The following RAB38 variants were observed in gnomAD, a reference collection of about 807,000 sequenced individuals.
RAB38 encodes the protein ras-related protein Rab-38.
In RAB38, 15 loss-of-function variants were observed where a neutral mutation model predicts 18.4. That is an observed-to-expected ratio of 0.82 (90% CI 0.55 to 1.26). The LOEUF (loss-of-function observed/expected upper bound fraction) is 1.26. Among genes scored for constraint, RAB38 ranks in the 50% most tolerant of loss-of-function variants. The probability of loss-of-function intolerance (pLI) is 0.00; values close to 1 mark genes in which losing one functional copy is unlikely to be tolerated. For synonymous variants in RAB38, 101 were observed against 104.4 expected, an observed-to-expected ratio of 0.97 and a Z score of 0.20; for missense variants, 294 against 267.4, an observed-to-expected ratio of 1.10 and a Z score of -0.69.
At chr11:87,947,076 G>C in the RAB38 span, among the ~76,000 whole-genome samples, 5 of 151,674 alleles carry the variant, frequency 3.3e-5, no homozygotes, top group Admixed American at 2.0e-4. Context: ...TTTTAATGAT[G>C]GCCATTCTAA....
At chr11:87,897,064 ATTT>A in the RAB38 span, among the ~76,000 whole-genome samples, 1 of 151,596 alleles carries the variant, frequency 6.6e-6, no homozygotes, top group African/African-American at 2.4e-5. Flanking sequence ...AGAAGTCTAC[ATTT>A]TTTTCTCATT....
the RAB38 span, among the ~76,000 whole-genome samples, chr11:88,042,250 T>C: frequency 3.2e-3 from 487 of 152,250 alleles, 3 homozygotes; most frequent in Middle Eastern, 0.014. Context: ...TATCTCTGCA[T>C]GGGAGATAGC....
chr11:87,890,506 CATGGACTTCT>C, the RAB38 span, among the ~76,000 whole-genome samples: 1 of 151,858 alleles, frequency 6.6e-6, no homozygotes, highest in Non-Finnish European at 1.5e-5. Flanking sequence ...TTTCATGTTT[CATGGACTTCT>C]ATGGATTTCT....
chr11:88,049,038 C>T, the RAB38 span, among the ~76,000 whole-genome samples: 320 of 152,144 alleles, frequency 2.1e-3, 1 homozygote, highest in African/African-American at 6.6e-3. Flanking sequence ...ACAATATCAC[C>T]CCTTACCACA....
At chr11:88,017,577 C>T in the RAB38 span, among the ~76,000 whole-genome samples, 786 of 151,346 alleles carry the variant, frequency 5.2e-3, 3 homozygotes, top group African/African-American at 0.018. Flanking sequence ...GTACCCTAGT[C>T]TTACACTGGC....
chr11:87,938,109 A>G, the RAB38 span, among the ~76,000 whole-genome samples: 1 of 152,150 alleles, frequency 6.6e-6, no homozygotes, highest in African/African-American at 2.4e-5. Flanking sequence ...TCATCTTGTT[A>G]CCTGTAAGTG....
chr11:88,138,766 T>A (rs1406988494), intron 2 of RAB38, among the ~76,000 whole-genome samples: 1 of 141,392 alleles, frequency 7.1e-6, no homozygotes, highest in African/African-American at 2.6e-5. Flanking sequence ...ACATACAATT[T>A]TTATTATTAT....
chr11:88,094,167 A>C, the RAB38 span, among the ~76,000 whole-genome samples: 2 of 151,902 alleles, frequency 1.3e-5, no homozygotes, highest in African/African-American at 4.8e-5. Flanking sequence ...GCACAACATC[A>C]GTAGTAATCA....
At chr11:87,951,518 C>A in the RAB38 span, among the ~76,000 whole-genome samples, 14,080 of 151,472 alleles carry the variant, frequency 0.093, 809 homozygotes, top group East Asian at 0.15. Flanking sequence ...TTTTTCCCAT[C>A]TTTGTGGTTT....
the RAB38 span, among the ~76,000 whole-genome samples, chr11:88,104,788 G>A: frequency 6.6e-6 from 1 of 152,008 alleles, no homozygotes; most frequent in Non-Finnish European, 1.5e-5. Context: ...TGTGGTTAGG[G>A]CCAAACAAAG....
rs111577812 is a variant in RAB38 at position 88,132,599 on chromosome 11, A to C, written c.483+17076T>G. 5.9e-3 allele frequency among the ~76,000 whole-genome samples: 892 copies of C among 152,228 alleles called. 6 individuals carry two copies. The highest frequency in any genetic ancestry group is 9.3e-3 in the Non-Finnish European group (634 of 68,012). On this transcript the variant is annotated intron_variant, in intron 2 of 2. Transcript: ENST00000243662. ...CAGCCTCACGAGTAGCTGGGATTAC[A>C]AGCATGCGCCACCATGCCCAGCTAA...
In RAB38 at chr11:88,113,367, G is replaced by C. The variant is rs1253014684; in HGVS notation, c.*621C>G. 6.5e-6 allele frequency: 1 copy of C among 152,792 alleles called. No individual in the cohort carries two copies. Among genetic ancestry groups the C allele is most frequent in the African/African-American group, 2.4e-5 (1 of 41,434 alleles). 9.5% of individuals were successfully genotyped at this position (152,792 alleles called of 1,614,324 possible). A position where few individuals can be genotyped will look rare whatever the true frequency, so the allele number is the denominator to read the frequency against. ...CAGCTTGAGTCAGAGAAAGCTAACA[G>C]AAAGGCACATATGGAGGCATGTCTT... On this transcript the variant is annotated 3_prime_UTR_variant, in exon 3 of 3. Transcript: ENST00000243662.
the RAB38 span, among the ~76,000 whole-genome samples, chr11:88,099,443 C>G: frequency 6.6e-6 from 1 of 151,508 alleles, no homozygotes; most frequent in African/African-American, 2.4e-5. Context: ...AAAATCAAAA[C>G]GAGGGGAGAG....
intron 2 of RAB38, among the ~76,000 whole-genome samples, chr11:88,130,457 A>G (rs1942753220): frequency 6.6e-6 from 1 of 152,230 alleles, no homozygotes; most frequent in Non-Finnish European, 1.5e-5. Flanking sequence ...CAAAAGTATT[A>G]TCACTGAAGA....
the RAB38 span, among the ~76,000 whole-genome samples, chr11:87,970,462 G>C: frequency 6.6e-6 from 1 of 151,984 alleles, no homozygotes; most frequent in Admixed American, 6.6e-5. Context: ...CTTAATTTCT[G>C]GGTTTATTTG....
At chr11:88,073,462 CA>C in the RAB38 span, among the ~76,000 whole-genome samples, 2 of 151,512 alleles carry the variant, frequency 1.3e-5, no homozygotes, top group Non-Finnish European at 2.9e-5. Context: ...CATCTAATAC[CA>C]AAAAGAAGAC....
the RAB38 span, among the ~76,000 whole-genome samples, chr11:87,866,617 C>T: frequency 0.081 from 12,312 of 151,642 alleles, 764 homozygotes; most frequent in African/African-American, 0.16. Flanking sequence ...TTTTTCTTGT[C>T]TCTGTTCATT....
At chr11:88,026,020 A>T in the RAB38 span, among the ~76,000 whole-genome samples, 1 of 151,932 alleles carries the variant, frequency 6.6e-6, no homozygotes, top group South Asian at 2.1e-4. Flanking sequence ...GCTGGAGTGC[A>T]ATGGCGCGAT....
At chr11:87,891,109 A>G in the RAB38 span, among the ~76,000 whole-genome samples, 1 of 151,826 alleles carries the variant, frequency 6.6e-6, no homozygotes, top group Non-Finnish European at 1.5e-5. Flanking sequence ...AACTTTTACT[A>G]TCCTTAAAGA....
Sources: allele counts gnomAD v4.1 joint callset (sites outside exome capture counted in the v4.1 genomes callset), GRCh38; gene constraint gnomAD v4.1.1; transcripts MANE v1.5; gene names NCBI Gene and HGNC (gene_info 2026-07-23, HGNC 2026-07-21).